The following LHPP variants were observed in gnomAD, a reference collection of about 807,000 sequenced individuals.
The protein encoded by LHPP is hLHPP.
Under a neutral mutation model 30.3 loss-of-function variants are expected in LHPP, and 24 were observed. That is an observed-to-expected ratio of 0.79 (90% CI 0.57 to 1.11). LHPP has a LOEUF of 1.11. Among genes scored for constraint, LHPP ranks in the 50% most tolerant of loss-of-function variants. The pLI is 0.00. For synonymous variants in LHPP, 150 were observed against 157.1 expected (o/e 0.95, Z 0.34); for missense variants, 356 against 367.2 (o/e 0.97, Z 0.25).
chr10:124,504,134 G>A (rs1365077484), intron 5 of LHPP, among the ~76,000 whole-genome samples: 1 of 152,166 alleles, frequency 6.6e-6, no homozygotes, highest in East Asian at 1.9e-4. Flanking sequence ...GGAGGTTACA[G>A]TGAGCCGAGA....
rs1314379935 is a variant in LHPP at position 124,590,589 on chromosome 10, G to T, written c.717-22675G>T. 6.6e-6 allele frequency among the ~76,000 whole-genome samples: 1 copy of T among 152,158 alleles called. No individual in the cohort carries two copies. Among genetic ancestry groups the T allele is most frequent in the African/African-American group, 2.4e-5 (1 of 41,438 alleles). Reference sequence around the variant, plus strand: ...GTTACTTCTAGCCCAGGAGCTCCAGGTGAAGGGGACTGTGTTGGTCCTGTC... The same window carrying T: ...GTTACTTCTAGCCCAGGAGCTCCAGTTGAAGGGGACTGTGTTGGTCCTGTC... On this transcript the variant is annotated intron_variant, in intron 6 of 6. Transcript: ENST00000368842. The surrounding 1 kb of genome is among the most constrained non-coding windows in gnomAD (Gnocchi z 4.3).
chr10:124,573,956 C>T (rs911662061), intron 6 of LHPP, among the ~76,000 whole-genome samples: 2 of 152,084 alleles, frequency 1.3e-5, no homozygotes, highest in Admixed American at 1.3e-4. Flanking sequence ...ATCAAAAAGC[C>T]ACCCCCACAG....
At chr10:124,582,199 G>A (rs1948752305) in intron 6 of LHPP, among the ~76,000 whole-genome samples, 1 of 152,164 alleles carries the variant, frequency 6.6e-6, no homozygotes, top group African/African-American at 2.4e-5. Context: ...TTCTGCCTCA[G>A]TCTCTCAAGT....
chr10:124,525,669 C>T (rs1333386681), intron 6 of LHPP, among the ~76,000 whole-genome samples: 1 of 152,228 alleles, frequency 6.6e-6, no homozygotes, highest in East Asian at 1.9e-4. Context: ...GACACCCCAT[C>T]GTGGCCCCCA....
chr10:124,551,862 A>C (rs1237393701), intron 6 of LHPP, among the ~76,000 whole-genome samples: 1 of 152,020 alleles, frequency 6.6e-6, no homozygotes, highest in Non-Finnish European at 1.5e-5. Context: ...CTCACCACGG[A>C]GGCGCACGCA....
intron 6 of LHPP, among the ~76,000 whole-genome samples, chr10:124,557,704 C>T (rs778343568): frequency 6.6e-6 from 1 of 152,100 alleles, no homozygotes; most frequent in Non-Finnish European, 1.5e-5. Context: ...GGTGGGCTCA[C>T]TCCCTGCAGG....
intron 6 of LHPP, among the ~76,000 whole-genome samples, chr10:124,578,709 G>A (rs893689517): frequency 6.6e-5 from 10 of 152,188 alleles, no homozygotes; most frequent in African/African-American, 2.4e-4. Context: ...GGCTTACACC[G>A]CGCCACGCGT....
At chr10:124,466,398 T>G (rs1297315463) in intron 1 of LHPP, among the ~76,000 whole-genome samples, 1 of 152,190 alleles carries the variant, frequency 6.6e-6, no homozygotes, top group Admixed American at 6.5e-5. Context: ...TGGGGGCCAC[T>G]GTGTGGTTGG....
At chr10:124,588,536 A>G (rs1217056496) in intron 6 of LHPP, among the ~76,000 whole-genome samples, 1 of 152,108 alleles carries the variant, frequency 6.6e-6, no homozygotes, top group Non-Finnish European at 1.5e-5. Context: ...CGCCCGCCCA[A>G]AGTGCTGGGA....
chr10:124,593,822 A>C lies in LHPP; in HGVS notation c.717-19442A>C, dbSNP rs78199348. Among the ~76,000 whole-genome samples, 1 of 152,152 alleles carries C rather than the reference A, an allele frequency of 6.6e-6. No individual in the cohort carries two copies. The highest frequency in any genetic ancestry group is 1.5e-5 in the Non-Finnish European group (1 of 67,998). ...TGACCGAGGGTGTCCCTTACTCCAT[A>C]AGGTACTGATATGGTCTGCGGAGCA... On this transcript the variant is annotated intron_variant, in intron 6 of 6. Coordinates refer to ENST00000368842, the MANE Select transcript of LHPP (RefSeq NM_022126.4). This position sits in a 1 kb window ranked among gnomAD's most constrained non-coding sequence, Gnocchi z 4.9.
chr10:124,469,228 C>T (rs11812693), intron 1 of LHPP, among the ~76,000 whole-genome samples: 77 of 152,084 alleles, frequency 5.1e-4, no homozygotes, highest in African/African-American at 1.8e-3. Flanking sequence ...GCAGGGGGAA[C>T]ACATGCCTCC....
chr10:124,519,110 G>A (rs1945952032), intron 6 of LHPP, among the ~76,000 whole-genome samples: 1 of 152,128 alleles, frequency 6.6e-6, no homozygotes, highest in South Asian at 2.1e-4. Context: ...ACCACGCCTG[G>A]CTAGTTTTTG....
At chr10:124,561,308 T>G (rs1948390928) in intron 6 of LHPP, among the ~76,000 whole-genome samples, 1 of 152,062 alleles carries the variant, frequency 6.6e-6, no homozygotes, top group African/African-American at 2.4e-5. Context: ...CAGGCTGAAA[T>G]GAGCCCCTAC....
intron 1 of LHPP, among the ~76,000 whole-genome samples, chr10:124,467,533 T>C (rs1321082455): frequency 1.3e-5 from 2 of 151,336 alleles, no homozygotes; most frequent in South Asian, 4.2e-4. Context: ...TTTTTTTTTT[T>C]TTGAGACAGG....
intron 6 of LHPP, among the ~76,000 whole-genome samples, chr10:124,607,485 T>C (rs1269604542): frequency 6.6e-6 from 1 of 152,262 alleles, no homozygotes; most frequent in East Asian, 1.9e-4. Context: ...TTAAATGATA[T>C]GTAATTAAAC....
chr10:124,569,901 C>T (rs758126297), intron 6 of LHPP, among the ~76,000 whole-genome samples: 7 of 152,218 alleles, frequency 4.6e-5, no homozygotes, highest in Non-Finnish European at 1.0e-4. Flanking sequence ...AACCCCCACA[C>T]AGATCAAGAT....
At chr10:124,514,524 C>T (rs1336078245) in intron 5 of LHPP, among the ~76,000 whole-genome samples, 1 of 152,198 alleles carries the variant, frequency 6.6e-6, no homozygotes, top group African/African-American at 2.4e-5. Context: ...ACAGTCTTCT[C>T]ACTTGCATTG....
chr10:124,593,592 C>A lies in LHPP; in HGVS notation c.717-19672C>A, dbSNP rs866221085. On this transcript the variant is annotated intron_variant, in intron 6 of 6. Coordinates refer to ENST00000368842, the MANE Select transcript of LHPP (RefSeq NM_022126.4). This position sits in a 1 kb window ranked among gnomAD's most constrained non-coding sequence, Gnocchi z 4.9. ...TTGGGGGTGTGACATGAGGTCTTCC[C>A]CAAGTGGCCCCGAGTGAGGCACCAC... is the stretch of plus-strand genomic sequence containing the variant. 6.6e-6 allele frequency among the ~76,000 whole-genome samples: 1 copy of A among 152,232 alleles called. No homozygotes were observed. The highest frequency in any genetic ancestry group is 1.9e-4 in the East Asian group (1 of 5,200).
chr10:124,591,198 A>G (rs1015126169), intron 6 of LHPP, among the ~76,000 whole-genome samples: 2 of 152,166 alleles, frequency 1.3e-5, no homozygotes, highest in Admixed American at 6.5e-5. Flanking sequence ...GATCAGTGGC[A>G]TGTGTGTGGC....
Sources: allele counts gnomAD v4.1 joint callset (sites outside exome capture counted in the v4.1 genomes callset), GRCh38; gene constraint gnomAD v4.1.1; non-coding constraint Gnocchi (gnomAD v3.1); transcripts MANE v1.5; gene names NCBI Gene and HGNC (gene_info 2026-07-23, HGNC 2026-07-21).